The following AFF2 variants were observed in gnomAD, a reference collection of about 807,000 sequenced individuals.
The protein encoded by AFF2 is ALF transcription elongation factor 2.
A neutral mutation model predicts 76.9 loss-of-function variants in AFF2; 14 were observed. That is an observed-to-expected ratio of 0.18 (90% CI 0.12 to 0.28). The LOEUF is 0.28. AFF2 is among the 10% of genes least tolerant of loss of function. AFF2 has a pLI of 1.00. For synonymous variants in AFF2, 398 were observed against 366.7 expected (o/e 1.09, Z -0.98); for missense variants, 868 against 1,001.1 (o/e 0.87, Z 1.79).
At chrX:148,592,558 C>T (rs782275554) in intron 1 of AFF2, among the ~76,000 whole-genome samples, 5 of 110,879 alleles carry the variant, frequency 4.5e-5, no homozygotes, top group Non-Finnish European at 9.4e-5. Context: ...TTATGGGGCA[C>T]ATCAAAATCC....
intron 9 of AFF2, among the ~76,000 whole-genome samples, chrX:148,906,243 T>G (rs1403589574): frequency 1.8e-5 from 2 of 112,073 alleles, no homozygotes; most frequent in African/African-American, 6.5e-5. Flanking sequence ...AGTGGTCCTT[T>G]TGCCATTTCT....
chrX:148,893,221 T>A (rs929068422), intron 8 of AFF2, among the ~76,000 whole-genome samples: 28 of 112,096 alleles, frequency 2.5e-4, no homozygotes, highest in African/African-American at 9.1e-4. Context: ...TAGAATAACA[T>A]TGGCCTTCAT....
chrX:148,619,468 A>G, intron 1 of AFF2, among the ~76,000 whole-genome samples: 1 of 112,341 alleles, frequency 8.9e-6, no homozygotes, highest in East Asian at 2.8e-4. Flanking sequence ...AATGTAATTG[A>G]TGAACATATT....
At chrX:148,773,623 AAGGAAGGAAGGAAGGAAAGGAGGGAGGG>A (rs1569555308) in intron 3 of AFF2, among the ~76,000 whole-genome samples, 4 of 102,552 alleles carry the variant, frequency 3.9e-5, no homozygotes, top group African/African-American at 1.4e-4. Context: ...TTCAAAAAGG[AAGGAAGGAAGGAAGGAAAGGAGGGAGGG>A]AGGAAGGAAG....
chrX:148,558,642 C>T (rs1357489782), intron 1 of AFF2, among the ~76,000 whole-genome samples: 3 of 111,711 alleles, frequency 2.7e-5, no homozygotes, highest in South Asian at 3.8e-4. Context: ...AACAAAACCA[C>T]CTTTTGGTAA....
At chrX:148,592,031 C>CTGA (rs2053526772) in intron 1 of AFF2, among the ~76,000 whole-genome samples, 2 of 111,889 alleles carry the variant, frequency 1.8e-5, no homozygotes, top group Non-Finnish European at 3.8e-5. Context: ...AGCCAAATGA[C>CTGA]TGATGTTTGC....
chrX:148,617,963 A>C (rs1368710651), intron 1 of AFF2, among the ~76,000 whole-genome samples: 1 of 111,438 alleles, frequency 9.0e-6, no homozygotes, highest in Admixed American at 9.6e-5. Flanking sequence ...ATCCAGGGAG[A>C]GCATTTAGGG....
At chrX:148,874,942 C>T (rs1276172573) in intron 7 of AFF2, among the ~76,000 whole-genome samples, 1 of 112,007 alleles carries the variant, frequency 8.9e-6, no homozygotes, top group Non-Finnish European at 1.9e-5. Flanking sequence ...GTAATTGTGC[C>T]ATGTGCTATA....
intron 9 of AFF2, among the ~76,000 whole-genome samples, chrX:148,913,238 A>G (rs973269099): frequency 5.3e-5 from 6 of 112,333 alleles, no homozygotes; most frequent in African/African-American, 1.6e-4. Flanking sequence ...CAGGAACTCT[A>G]CAGTTTTTAC....
chrX:148,681,536 ATGTG>A (rs35711893), intron 3 of AFF2, among the ~76,000 whole-genome samples: 21,097 of 97,841 alleles, frequency 0.22, 1,958 homozygotes, highest in African/African-American at 0.29. Flanking sequence ...GTGCTAAAAG[ATGTG>A]TGTGTGTGTG....
At chrX:148,588,267 G>A (rs1211306593) in intron 1 of AFF2, among the ~76,000 whole-genome samples, 1 of 112,918 alleles carries the variant, frequency 8.9e-6, no homozygotes, top group Non-Finnish European at 1.9e-5. Flanking sequence ...GTCTGTCAAA[G>A]TTACTCCTTG....
chrX:148,650,030 C>T (rs148971048), intron 1 of AFF2, among the ~76,000 whole-genome samples: 7 of 111,396 alleles, frequency 6.3e-5, no homozygotes, highest in Middle Eastern at 9.2e-3. Context: ...AATTAAGTGT[C>T]CTTCTCCTTT....
intron 3 of AFF2, among the ~76,000 whole-genome samples, chrX:148,715,389 C>A (rs1443705035): frequency 9.0e-6 from 1 of 111,225 alleles, no homozygotes; most frequent in Non-Finnish European, 1.9e-5. Context: ...CAGATCAGCA[C>A]ATATATGTAC....
chrX:148,693,918 C>G (rs1393113347), intron 3 of AFF2, among the ~76,000 whole-genome samples: 2 of 111,402 alleles, frequency 1.8e-5, no homozygotes, highest in African/African-American at 3.3e-5. Flanking sequence ...AAGAACCAAC[C>G]CAAATGTCCA....
In AFF2 at chrX:148,842,282, C is replaced by T. The variant is rs1371939371; in HGVS notation, c.1174-684C>T. Among the ~76,000 whole-genome samples the T allele has an allele frequency of 2.7e-5, 3 of 112,492 alleles. No homozygotes were observed. The East Asian group carries it at 8.4e-4, about 31-fold the overall frequency. ...GTGTGCCACACTCCAAGCAAGGCAG[C>T]ATGTGCAAATCTGGATTTCTCAAAA... On this transcript the variant is annotated intron_variant, in intron 5 of 20. Coordinates refer to ENST00000370460, the MANE Select transcript of AFF2 (RefSeq NM_002025.4).
intron 15 of AFF2, among the ~76,000 whole-genome samples, chrX:148,971,670 G>T (rs1280603453): frequency 1.9e-5 from 2 of 107,862 alleles, no homozygotes; most frequent in African/African-American, 6.8e-5. Flanking sequence ...AAGAAGAATT[G>T]CAGATTAAGT....
At chrX:148,842,770 T>C (rs983033025) in intron 5 of AFF2, among the ~76,000 whole-genome samples, 196 bp from the exon 6 acceptor site, 2 of 112,256 alleles carry the variant, frequency 1.8e-5, no homozygotes, top group East Asian at 2.8e-4. Context: ...GTTATGATCA[T>C]GTTGCAGCAG....
At chrX:148,693,063 C>T (rs183473525) in intron 3 of AFF2, among the ~76,000 whole-genome samples, 4 of 111,066 alleles carry the variant, frequency 3.6e-5, no homozygotes, top group Non-Finnish European at 7.6e-5. Context: ...GGACTACAGG[C>T]GCCTGCCACC....
At position 148,993,508 on chromosome X, in the gene AFF2, A is replaced by G. The variant is rs974003549; in HGVS notation, c.*2176A>G. 8.9e-6 allele frequency: 1 copy of G among 112,013 alleles called. No individual in the cohort carries two copies. Among genetic ancestry groups the G allele is most frequent in the Non-Finnish European group, 1.9e-5 (1 of 53,208 alleles). The allele number at this position is 112,013 out of a possible 1,213,427, so 9.2% of individuals were successfully genotyped here. A position where few individuals can be genotyped will look rare whatever the true frequency, so the allele number is the denominator to read the frequency against. On this transcript the variant is annotated 3_prime_UTR_variant, in exon 21 of 21. Transcript: ENST00000370460. ...ACTTGTAAGTTCAACCTAAACCACAATCCTAGACCATCATGGATTTAGGAG... is the reference window on the plus strand; with the variant it reads ...ACTTGTAAGTTCAACCTAAACCACAGTCCTAGACCATCATGGATTTAGGAG...
Sources: gnomAD v4.1 joint callset for allele counts (sites outside exome capture counted in the v4.1 genomes callset) on GRCh38, gnomAD v4.1.1 for gene constraint, MANE v1.5 for transcripts, NCBI Gene and HGNC (gene_info 2026-07-23, HGNC 2026-07-21) for gene names.